CDH4: variants seen among roughly 807,000 people sequenced by gnomAD.
CDH4 encodes cadherin 4.
In CDH4, 33 loss-of-function variants were observed where a neutral mutation model predicts 86.0. The ratio of observed to expected loss-of-function variants is 0.38; its 90% CI spans 0.29 to 0.51. The LOEUF (loss-of-function observed/expected upper bound fraction) is 0.51, where lower values mean the gene tolerates loss of function less well. CDH4 is among the 20% of genes least tolerant of loss of function. The probability of loss-of-function intolerance (pLI) is 0.86; values close to 1 mark genes in which losing one functional copy is unlikely to be tolerated. For synonymous variants in CDH4, 555 were observed against 549.4 expected (o/e 1.01, Z -0.14); for missense variants, 1,114 against 1,307.4 (o/e 0.85, Z 2.28).
chr20:61,750,447 T>C (rs1046702628), intron 3 of CDH4, among the ~76,000 whole-genome samples: 1 of 152,232 alleles, frequency 6.6e-6, no homozygotes, highest in East Asian at 1.9e-4. Flanking sequence ...CACTGTTTTA[T>C]TGTTACAAAC....
chr20:61,886,757 C>T (rs1004599213), intron 7 of CDH4, among the ~76,000 whole-genome samples: 4 of 152,230 alleles, frequency 2.6e-5, no homozygotes, highest in African/African-American at 7.2e-5. Flanking sequence ...AAGTCCCAGG[C>T]CTTCATCTTC....
At chr20:61,568,962 T>C (rs1190196418) in intron 2 of CDH4, among the ~76,000 whole-genome samples, 2 of 152,130 alleles carry the variant, frequency 1.3e-5, no homozygotes, top group Non-Finnish European at 2.9e-5. Context: ...AGGTCCTCGC[T>C]CAAGACTCAA....
intron 2 of CDH4, among the ~76,000 whole-genome samples, chr20:61,739,863 C>T (rs528343371): frequency 3.7e-4 from 56 of 152,210 alleles, no homozygotes; most frequent in Non-Finnish European, 2.6e-4. Flanking sequence ...CTCCAGCCGA[C>T]GCCTCAGGCT....
intron 2 of CDH4, among the ~76,000 whole-genome samples, chr20:61,295,217 C>T (rs1180371953): frequency 1.3e-5 from 2 of 152,172 alleles, no homozygotes; most frequent in Non-Finnish European, 2.9e-5. Flanking sequence ...AAGCACTGTC[C>T]CTGTTTCCTG....
At chr20:61,869,144 A>G (rs932640832) in intron 6 of CDH4, among the ~76,000 whole-genome samples, 13 of 152,228 alleles carry the variant, frequency 8.5e-5, no homozygotes, top group African/African-American at 3.1e-4. Flanking sequence ...TTTGAGCTAG[A>G]TGTATACTTT....
intron 2 of CDH4, among the ~76,000 whole-genome samples, chr20:61,507,995 G>T (rs1019013711): frequency 3.9e-5 from 6 of 152,256 alleles, no homozygotes; most frequent in South Asian, 4.1e-4. Context: ...AGACGTCGCT[G>T]TCAGGATGGG....
At chr20:61,898,405 C>T (rs1600750668) in intron 8 of CDH4, among the ~76,000 whole-genome samples, 1 of 152,236 alleles carries the variant, frequency 6.6e-6, no homozygotes, top group East Asian at 1.9e-4. Flanking sequence ...AGCACTCCCT[C>T]CAGCAGGTGA....
In CDH4 at chr20:61,663,299, C is replaced by T. The variant is rs1361472504; in HGVS notation, c.170-80264C>T. Among the ~76,000 whole-genome samples, 1 of 152,224 alleles carries T rather than the reference C, an allele frequency of 6.6e-6. No individual in the cohort carries two copies. The highest frequency in any genetic ancestry group is 1.5e-5 in the Non-Finnish European group (1 of 68,044). On this transcript the variant is annotated intron_variant, in intron 2 of 15. Coordinates refer to ENST00000614565, the MANE Select transcript of CDH4 (RefSeq NM_001794.5). The surrounding 1 kb of genome is among the most constrained non-coding windows in gnomAD (Gnocchi z 5.0). ...ATGAGTCCACGCAGGAAAGGAGTGGCACCCGCAGGAGGCCTGTGCTGCGGA... is the reference window on the plus strand; with the variant it reads ...ATGAGTCCACGCAGGAAAGGAGTGGTACCCGCAGGAGGCCTGTGCTGCGGA...
intron 2 of CDH4, among the ~76,000 whole-genome samples, chr20:61,629,138 C>A (rs572226523): frequency 6.6e-6 from 1 of 152,222 alleles, no homozygotes; most frequent in Non-Finnish European, 1.5e-5. Flanking sequence ...ATAGCTGCGC[C>A]GTGGAGAGCA....
At chr20:61,577,383 G>A (rs2086390129) in intron 2 of CDH4, among the ~76,000 whole-genome samples, 1 of 151,428 alleles carries the variant, frequency 6.6e-6, no homozygotes, top group Non-Finnish European at 1.5e-5. Context: ...ATGAGTGGAT[G>A]TTTGTATATT....
At chr20:61,266,205 C>T (rs996990911) in intron 2 of CDH4, among the ~76,000 whole-genome samples, 9 of 152,012 alleles carry the variant, frequency 5.9e-5, no homozygotes, top group African/African-American at 1.5e-4. Flanking sequence ...CTGGTACAGC[C>T]GCAGGTGTTG....
At chr20:61,788,256 C>T (rs1346669921) in intron 4 of CDH4, among the ~76,000 whole-genome samples, 6 of 152,160 alleles carry the variant, frequency 3.9e-5, no homozygotes, top group Middle Eastern at 3.4e-3. Context: ...AGCATGGGGT[C>T]GCGGAGCTTC....
In CDH4 at chr20:61,639,029, C is replaced by T. The variant is rs115621107; in HGVS notation, c.170-104534C>T. Among the ~76,000 whole-genome samples, 70 of 152,336 alleles carry T rather than the reference C, an allele frequency of 4.6e-4. No individual in the cohort carries two copies. In the East Asian group the frequency reaches 0.013, roughly 29 times the overall value. ...CTAGTCATGTTCATCAAATGTCAGT[C>T]CCTGTTATTACTGCCGGTAGAATGA... On this transcript the variant is annotated intron_variant, in intron 2 of 15. Coordinates refer to ENST00000614565, the MANE Select transcript of CDH4 (RefSeq NM_001794.5).
chr20:61,925,196 G>A (rs1312201217), intron 11 of CDH4, among the ~76,000 whole-genome samples: 1 of 152,200 alleles, frequency 6.6e-6, no homozygotes, highest in Non-Finnish European at 1.5e-5. Flanking sequence ...AGCACGTGGG[G>A]CTTTCTGAGG....
intron 2 of CDH4, among the ~76,000 whole-genome samples, chr20:61,497,117 G>T (rs1407409996): frequency 6.6e-6 from 1 of 152,180 alleles, no homozygotes; most frequent in Non-Finnish European, 1.5e-5. Context: ...TGTACTCACA[G>T]TGTGTGTCTT....
At chr20:61,536,331 G>A (rs1189230517) in intron 2 of CDH4, among the ~76,000 whole-genome samples, 2 of 152,212 alleles carry the variant, frequency 1.3e-5, no homozygotes, top group African/African-American at 2.4e-5. Context: ...GGCTTAACTG[G>A]GAAGATGGAT....
At chr20:61,634,791 C>G (rs892154978) in intron 2 of CDH4, among the ~76,000 whole-genome samples, 1 of 152,240 alleles carries the variant, frequency 6.6e-6, no homozygotes, top group South Asian at 2.1e-4. Context: ...AATTCTGTCC[C>G]CATTAAACAC....
At chr20:61,505,301 C>T (rs1394544680) in intron 2 of CDH4, among the ~76,000 whole-genome samples, 1 of 152,152 alleles carries the variant, frequency 6.6e-6, no homozygotes, top group African/African-American at 2.4e-5. Context: ...GGAAAGGAAC[C>T]CTGAACCCTC....
At position 61,929,724 on chromosome 20, in the gene CDH4, AGTCAAGGTGT is replaced by A; in HGVS notation, c.2123_2132del (p.Val708AlafsTer36). 1.2e-6 allele frequency: 2 copies of A among 1,614,172 alleles called. No individual in the cohort carries two copies. The highest frequency in any genetic ancestry group is 1.7e-6 in the Non-Finnish European group (2 of 1,180,036). Reference sequence around the variant, plus strand: ...CCCTGTCCAACACGTCCATCATCAAAGTCAAGGTGTGCCCATGTGATGACAACGGGGACTG... The same window carrying A: ...CCCTGTCCAACACGTCCATCATCAAAGCCCATGTGATGACAACGGGGACTG... On this transcript the variant is annotated frameshift_variant, in exon 13 of 16. Coordinates refer to ENST00000614565, the MANE Select transcript of CDH4 (RefSeq NM_001794.5). LOFTEE classifies it high-confidence loss of function.
Sources: allele counts gnomAD v4.1 joint callset (sites outside exome capture counted in the v4.1 genomes callset), GRCh38; gene constraint gnomAD v4.1.1; non-coding constraint Gnocchi (gnomAD v3.1); transcripts MANE v1.5; gene names NCBI Gene and HGNC (gene_info 2026-07-23, HGNC 2026-07-21).